The following SIGLEC11 variants were observed in gnomAD, a reference collection of about 807,000 sequenced individuals.
SIGLEC11 encodes the protein sialic acid-binding Ig-like lectin 11.
Under a neutral mutation model 61.2 loss-of-function variants are expected in SIGLEC11, and 47 were observed. The ratio of observed to expected loss-of-function variants is 0.77; its 90% CI spans 0.61 to 0.98. The LOEUF is 0.98. SIGLEC11 is among the 50% of genes least tolerant of loss of function. The pLI is 0.00. For missense variants in SIGLEC11, 610 were observed against 870.3 expected, an observed-to-expected ratio of 0.70 and a Z score of 3.76; for synonymous variants, 278 against 373.1, an observed-to-expected ratio of 0.75 and a Z score of 2.94.
chr19:49,959,675 A>AG (rs902487924), intron 4 of SIGLEC11, 52 bp from the exon 5 acceptor site: 48 of 107,762 alleles, frequency 4.5e-4, no homozygotes, highest in Admixed American at 1.8e-3. Context: ...AATGGGTGGG[A>AG]GGGGGGGCTG....
At chr19:49,952,030 G>T in intron 9 of SIGLEC11, 58 bp from the exon 10 acceptor site, 2 of 1,517,836 alleles carry the variant, frequency 1.3e-6, no homozygotes, top group Non-Finnish European at 1.8e-6. Flanking sequence ...TGGGGAAACT[G>T]CTACCCACAT....
At chr19:49,956,837 A>C (rs2076199785) in intron 8 of SIGLEC11, among the ~76,000 whole-genome samples, 1 of 152,174 alleles carries the variant, frequency 6.6e-6, no homozygotes, top group East Asian at 1.9e-4. Context: ...AAAAATGAAG[A>C]ATGTTATCTA....
Position 49,951,758 on chromosome 19 carries a change from T to A in SIGLEC11, c.1830+133A>T, listed in dbSNP as rs1434804983. Reference sequence around the variant, plus strand: ...CCTCCCAGATCATGGGACTTGGGACTGCATTGATGGGGACCCAGGAGCAAA... The same window carrying A: ...CCTCCCAGATCATGGGACTTGGGACAGCATTGATGGGGACCCAGGAGCAAA... On this transcript the variant is annotated intron_variant, in intron 10 of 10. Coordinates refer to ENST00000447370, the MANE Select transcript of SIGLEC11 (RefSeq NM_052884.3). This position sits in a 1 kb window ranked among gnomAD's most constrained non-coding sequence, Gnocchi z 4.6. 5.7e-6 allele frequency: 4 copies of A among 703,074 alleles called. No homozygotes were observed. Among genetic ancestry groups the A allele is most frequent in the Non-Finnish European group, 8.9e-6 (4 of 449,034 alleles). 43.6% of individuals were successfully genotyped at this position (703,074 alleles called of 1,614,324 possible).
chr19:49,960,436 G>GT lies in SIGLEC11; in HGVS notation c.461-16_461-15insA, dbSNP rs201127706. On this transcript the variant is annotated splice_polypyrimidine_tract_variant and intron_variant, in intron 2 of 10. Coordinates refer to ENST00000447370, the MANE Select transcript of SIGLEC11 (RefSeq NM_052884.3). ...CTTAGTCAGGGCTGGGACAGAGACC[G>GT]GGTGGGAGATTCTTGTGCTGCAGGG... is the stretch of plus-strand genomic sequence containing the variant. 0.29 allele frequency: 452,743 copies of GT among 1,574,204 alleles called. 47,503 individuals carry two copies. The highest frequency in any genetic ancestry group is 0.48 in the South Asian group (43,481 of 89,980).
rs770833596 is a variant in SIGLEC11 at position 49,958,586 on chromosome 19, ACAGGACTCAGCAGG to A, written c.1364-30_1364-17del. The A allele has an allele frequency of 3.8e-6, 6 of 1,567,954 alleles. No individual in the cohort carries two copies. The highest frequency in any genetic ancestry group is 5.2e-6 in the Non-Finnish European group (6 of 1,158,668). ...TGTGGAGGGTCTGTGGGGAGGGAGG[ACAGGACTCAGCAGG>A]GGCCCCTTCCTGGGACCCAGGTGTC... On this transcript the variant is annotated splice_polypyrimidine_tract_variant and intron_variant, in intron 7 of 10. Coordinates refer to ENST00000447370, the MANE Select transcript of SIGLEC11 (RefSeq NM_052884.3).
At chr19:49,957,687 C>T (rs1198814671) in intron 8 of SIGLEC11, among the ~76,000 whole-genome samples, 1 of 152,210 alleles carries the variant, frequency 6.6e-6, no homozygotes, top group African/African-American at 2.4e-5. Flanking sequence ...TTTTGTTTTA[C>T]TTTTGTAAGT....
Position 49,961,074 on chromosome 19 carries a change from G to A in SIGLEC11, c.8C>T (p.Pro3Leu), listed in dbSNP as rs201622360. MV[P>L]GQAQPQSPEM... Reference sequence around the variant, plus strand: ...TGGGCTCTGGGGCTGGGCCTGTCCCGGGACCATCTGGCTTCTGGGCCGGCC... The same window carrying A: ...TGGGCTCTGGGGCTGGGCCTGTCCCAGGACCATCTGGCTTCTGGGCCGGCC... The change falls in exon 1 of 11, where the codon CCG (proline) becomes CTG (leucine). Residue 3 changes from proline (P) to leucine (L), a missense_variant. By Grantham distance (98) the Pro-to-Leu change is moderately conservative. Coordinates refer to ENST00000447370, the MANE Select transcript of SIGLEC11 (RefSeq NM_052884.3). 61,475 of 1,319,440 alleles carry A rather than the reference G, an allele frequency of 0.047. 222 individuals are homozygous for A. The highest frequency in any genetic ancestry group is 0.061 in the Middle Eastern group (234 of 3,836). The allele number at this position is 1,319,440 out of a possible 1,614,324, so 81.7% of individuals were successfully genotyped here.
In SIGLEC11 at chr19:49,949,826, A is replaced by G; in HGVS notation, c.*144T>C. ...CACTGGACTCTGGCCTGGAGGACAG[A>G]GTCAGACCCTGTCTCAAAAAAAGTA... On this transcript the variant is annotated 3_prime_UTR_variant, in exon 11 of 11. Coordinates refer to ENST00000447370, the MANE Select transcript of SIGLEC11 (RefSeq NM_052884.3). 1.2e-6 allele frequency: 1 copy of G among 860,828 alleles called. No individual in the cohort carries two copies. The highest frequency in any genetic ancestry group is 3.3e-5 in the East Asian group (1 of 30,732). 53.3% of individuals were successfully genotyped at this position (860,828 alleles called of 1,614,324 possible).
intron 5 of SIGLEC11, 76 bp from the exon 6 acceptor site, chr19:49,959,153 T>G: frequency 3.1e-6 from 5 of 1,602,642 alleles, no homozygotes; most frequent in Non-Finnish European, 4.3e-6. Context: ...TCCTGGACAC[T>G]GAGGTGGGGG....
chr19:49,952,103 T>C, intron 9 of SIGLEC11, 131 bp from the exon 10 acceptor site: 1 of 1,045,658 alleles, frequency 9.6e-7, no homozygotes, highest in Non-Finnish European at 1.4e-6. Flanking sequence ...ACGGGGTGAC[T>C]TCCATAGTGA....
intron 8 of SIGLEC11, among the ~76,000 whole-genome samples, chr19:49,952,932 G>A (rs1047322506): frequency 5.3e-5 from 8 of 152,160 alleles, no homozygotes; most frequent in Non-Finnish European, 1.0e-4. Flanking sequence ...ACCTCGCTCT[G>A]TCTTTGTTTC....
Position 49,949,959 on chromosome 19 carries a change from T to C in SIGLEC11, c.*11A>G, listed in dbSNP as rs1439200139. Reference sequence around the variant, plus strand: ...CACACTTGCTGGTGTCCTGTTGCCATGGAGACCTCTTCACTTTGGAACCAT... The same window carrying C: ...CACACTTGCTGGTGTCCTGTTGCCACGGAGACCTCTTCACTTTGGAACCAT... On this transcript the variant is annotated 3_prime_UTR_variant, in exon 11 of 11. Transcript: ENST00000447370. 4 of 1,432,912 alleles carry C rather than the reference T, an allele frequency of 2.8e-6. No homozygotes were observed. The highest frequency in any genetic ancestry group is 3.2e-5 in the South Asian group (2 of 62,206). The allele number at this position is 1,432,912 out of a possible 1,614,324, so 88.8% of individuals were successfully genotyped here.
At position 49,951,832 on chromosome 19, in the gene SIGLEC11, A is replaced by C; in HGVS notation, c.1830+59T>G. ...CTGCAAGTCACCAAGAGGACTACCC[A>C]TGGCCATCAAGGAAAGGGGAACAGG... is the stretch of plus-strand genomic sequence containing the variant. On this transcript the variant is annotated intron_variant, in intron 10 of 10. Transcript: ENST00000447370. The surrounding 1 kb of genome is among the most constrained non-coding windows in gnomAD (Gnocchi z 4.6). 6.5e-6 allele frequency: 9 copies of C among 1,393,528 alleles called. No individual in the cohort carries two copies. Among genetic ancestry groups the C allele is most frequent in the African/African-American group, 1.4e-5 (1 of 69,408 alleles). 86.3% of individuals were successfully genotyped at this position (1,393,528 alleles called of 1,614,324 possible). A position where few individuals can be genotyped will look rare whatever the true frequency, so the allele number is the denominator to read the frequency against.
At chr19:49,957,972 C>T (rs1364429974) in intron 8 of SIGLEC11, among the ~76,000 whole-genome samples, 1 of 151,796 alleles carries the variant, frequency 6.6e-6, no homozygotes, top group Non-Finnish European at 1.5e-5. Context: ...GCCTTGCTGA[C>T]AGAGCGAGAC....
At chr19:49,954,145 C>T (rs2076179158) in intron 8 of SIGLEC11, among the ~76,000 whole-genome samples, 1 of 152,144 alleles carries the variant, frequency 6.6e-6, no homozygotes, top group Non-Finnish European at 1.5e-5. Context: ...TTGCAAAACA[C>T]TTGTAGCCCG....
At position 49,958,417 on chromosome 19, in the gene SIGLEC11, G is replaced by T. The variant is rs770209602; in HGVS notation, c.1517C>A (p.Thr506Asn). The part of the protein sequence containing the change: ...GNSSQGSFEV[T>N]PSSAGPWANS... ...GGCCCAGGGCCCGGCTGAGCTGGGG[G>T]TGACCTCGAAGGAGCCCTGACTGCT... Residue 506 changes from threonine (T) to asparagine (N), a missense_variant, in exon 8 of 11, where the codon ACC becomes AAC. By Grantham distance (65) the Thr-to-Asn change is moderately conservative. Coordinates refer to ENST00000447370, the MANE Select transcript of SIGLEC11 (RefSeq NM_052884.3). The T allele has an allele frequency of 6.2e-6, 10 of 1,613,944 alleles. No homozygotes were observed. Among genetic ancestry groups the T allele is most frequent in the East Asian group, 2.2e-5 (1 of 44,894 alleles).
intron 5 of SIGLEC11, 129 bp downstream of exon 5, chr19:49,959,231 C>A (rs1295000919): frequency 1.4e-6 from 2 of 1,465,682 alleles, no homozygotes. Context: ...GCATGAGGGT[C>A]TACACAGGTA....
At chr19:49,960,487 C>G (rs2076236715) in intron 2 of SIGLEC11, 65 bp downstream of exon 2, 2 of 1,586,838 alleles carry the variant, frequency 1.3e-6, no homozygotes, top group Admixed American at 3.4e-5. Context: ...CTCTGCTCAG[C>G]CCATAGCCTG....
intron 8 of SIGLEC11, among the ~76,000 whole-genome samples, chr19:49,957,832 T>C (rs1395947754): frequency 6.6e-6 from 1 of 151,924 alleles, no homozygotes; most frequent in Non-Finnish European, 1.5e-5. Context: ...AAACTAAAAA[T>C]ACAAAAAAAT....
Sources: gnomAD v4.1 joint callset for allele counts (sites outside exome capture counted in the v4.1 genomes callset) on GRCh38, gnomAD v4.1.1 for gene constraint, Gnocchi (gnomAD v3.1) non-coding constraint, MANE v1.5 for transcripts, NCBI Gene and HGNC (gene_info 2026-07-23, HGNC 2026-07-21) for gene names.